MEMO1: variants seen among roughly 807,000 people sequenced by gnomAD.
The protein encoded by MEMO1 is mediator of cell motility 1, also known as protein MEMO1.
MEMO1 carries 6 observed loss-of-function variants against 45.2 expected under a neutral mutation model. The observed-to-expected ratio is 0.13, with a 90% CI of 0.07 to 0.26. MEMO1 has a LOEUF of 0.26. Ranked by LOEUF, MEMO1 falls within the 10% of genes least tolerant of loss-of-function variation. The pLI is 1.00. For missense variants in MEMO1, 184 were observed against 370.5 expected (o/e 0.50, Z 4.13); for synonymous variants, 78 against 124.3 (o/e 0.63, Z 2.48).
In MEMO1 at chr2:31,972,430, G is replaced by A. The variant is rs548553738; in HGVS notation, c.62-29047C>T. Reference sequence around the variant, plus strand: ...AGAAAAGGATAAGAGAATAGTATGGGCCGAATGCAGTGGCTCACCCCCATA... The same window carrying A: ...AGAAAAGGATAAGAGAATAGTATGGACCGAATGCAGTGGCTCACCCCCATA... On this transcript the variant is annotated intron_variant, in intron 2 of 9. Transcript: ENST00000404530. Among the ~76,000 whole-genome samples the A allele has an allele frequency of 8.5e-5, 13 of 152,292 alleles. No homozygotes were observed. In the East Asian group the frequency reaches 2.5e-3, roughly 29 times the overall value.
At chr2:31,891,492 T>C (rs1676970775) in intron 7 of MEMO1, among the ~76,000 whole-genome samples, 1 of 152,052 alleles carries the variant, frequency 6.6e-6, no homozygotes, top group South Asian at 2.1e-4. Context: ...AGCCAATATT[T>C]TATAATCTTT....
chr2:31,993,662 C>G (rs145155889), intron 2 of MEMO1, among the ~76,000 whole-genome samples: 16 of 152,284 alleles, frequency 1.1e-4, no homozygotes, highest in African/African-American at 3.8e-4. Context: ...CAGGGTAAAA[C>G]TCCACAAAGC....
intron 2 of MEMO1, among the ~76,000 whole-genome samples, chr2:32,001,914 A>G: frequency 6.6e-6 from 1 of 151,010 alleles, no homozygotes; most frequent in Admixed American, 6.6e-5. Flanking sequence ...TTGGGAGGCC[A>G]AGGAGGGTGG....
chr2:32,009,843 G>A lies in MEMO1; in HGVS notation c.61+344C>T, dbSNP rs562674598. On this transcript the variant is annotated intron_variant, in intron 2 of 9. Transcript: ENST00000404530. ...GGCCGCACGCTTCCTGCAAGCCAGA[G>A]GCGGCGACAAGTCGGCTGGGGTCCG... is the stretch of plus-strand genomic sequence containing the variant. Among the ~76,000 whole-genome samples the A allele has an allele frequency of 4.3e-4, 66 of 152,222 alleles. No homozygotes were observed. In the Middle Eastern group the frequency reaches 0.014, roughly 31 times the overall value.
chr2:31,927,458 A>C (rs1339825736), intron 4 of MEMO1, among the ~76,000 whole-genome samples: 2 of 152,030 alleles, frequency 1.3e-5, no homozygotes, highest in Admixed American at 1.3e-4. Flanking sequence ...TAATTACACT[A>C]CTCCTCTTCC....
At chr2:31,895,146 G>GA (rs1199530894) in intron 6 of MEMO1, among the ~76,000 whole-genome samples, 1 of 152,028 alleles carries the variant, frequency 6.6e-6, no homozygotes, top group African/African-American at 2.4e-5. Context: ...ACCTGCAAGG[G>GA]AAAAAATGAG....
At chr2:31,940,338 A>G (rs1665461065) in intron 3 of MEMO1, among the ~76,000 whole-genome samples, 1 of 152,100 alleles carries the variant, frequency 6.6e-6, no homozygotes, top group Admixed American at 6.5e-5. Context: ...CCAGCTGCCC[A>G]TTCTAAATCT....
intron 2 of MEMO1, among the ~76,000 whole-genome samples, chr2:31,953,417 T>C (rs990096680): frequency 6.6e-6 from 1 of 150,428 alleles, no homozygotes; most frequent in African/African-American, 2.4e-5. Flanking sequence ...TTCTCAGAAA[T>C]GGACTTACTA....
At chr2:31,873,375 T>TA (rs1674073714) in intron 8 of MEMO1, among the ~76,000 whole-genome samples, 1 of 152,132 alleles carries the variant, frequency 6.6e-6, no homozygotes. Flanking sequence ...GCTAACTCCC[T>TA]AAATTTAGGG....
intron 6 of MEMO1, among the ~76,000 whole-genome samples, chr2:31,914,886 G>A (rs1270805286): frequency 1.3e-5 from 2 of 149,790 alleles, no homozygotes; most frequent in African/African-American, 2.5e-5. Context: ...GAGCCTAGGA[G>A]TTCAAGGCTA....
At chr2:31,920,036 G>T (rs1329190078) in intron 5 of MEMO1, among the ~76,000 whole-genome samples, 1 of 151,848 alleles carries the variant, frequency 6.6e-6, no homozygotes, top group African/African-American at 2.4e-5. Flanking sequence ...GATCATGAAG[G>T]TGGTTACTTC....
chr2:31,969,429 ATG>A (rs1338753321), intron 2 of MEMO1, among the ~76,000 whole-genome samples: 2 of 135,696 alleles, frequency 1.5e-5, no homozygotes, highest in South Asian at 2.3e-4. Context: ...ATATACATAT[ATG>A]TGTGTGTATA....
rs145550406 is a variant in MEMO1, at chr2:31,984,884, T to C, written c.61+25303A>G. On this transcript the variant is annotated intron_variant, in intron 2 of 9. Transcript: ENST00000404530. ...GAAATCAAATAAAATCTGGAGTTAA[T>C]TGTACTGACCAACTACTATTTTTAG... Among the ~76,000 whole-genome samples the C allele has an allele frequency of 2.0e-4, 30 of 152,330 alleles. No homozygotes were observed. The East Asian group carries it at 5.0e-3, about 25-fold the overall frequency.
chr2:31,869,832 T>C lies in MEMO1; in HGVS notation c.762+16A>G. ...TGACCAAATGTTAAAAGTCAAGGCTTCCTAAGGATACTCACATTTAATAAC... is the reference window on the plus strand; with the variant it reads ...TGACCAAATGTTAAAAGTCAAGGCTCCCTAAGGATACTCACATTTAATAAC... On this transcript the variant is annotated intron_variant, in intron 9 of 9. Transcript: ENST00000404530. The C allele has an allele frequency of 6.4e-7, 1 of 1,568,606 alleles. No individual in the cohort carries two copies. Among genetic ancestry groups the C allele is most frequent in the Non-Finnish European group, 8.6e-7 (1 of 1,165,680 alleles).
chr2:31,988,507 C>G (rs989258193), intron 2 of MEMO1, among the ~76,000 whole-genome samples: 11 of 152,070 alleles, frequency 7.2e-5, no homozygotes, highest in Non-Finnish European at 1.2e-4. Context: ...AGATGGGGCA[C>G]TGCACTCCAG....
intron 2 of MEMO1, among the ~76,000 whole-genome samples, chr2:31,946,312 G>A (rs1428301871): frequency 6.6e-6 from 1 of 151,830 alleles, no homozygotes; most frequent in Admixed American, 6.6e-5. Context: ...CTGTCCTTCT[G>A]TATATATTTA....
At chr2:31,925,492 A>AAAAAAAAAAAAAAAAAAAAAAG (rs1558507956) in intron 4 of MEMO1, among the ~76,000 whole-genome samples, 1 of 133,846 alleles carries the variant, frequency 7.5e-6, no homozygotes, top group African/African-American at 2.6e-5. Flanking sequence ...AAAAAAAAAA[A>AAAAAAAAAAAAAAAAAAAAAAG]AAAAAAATCT....
At position 32,001,261 on chromosome 2, in the gene MEMO1, G is replaced by C. The variant is rs1022975606; in HGVS notation, c.61+8926C>G. ...TCACCGTGTTAGCCAGGATGGTCTCGATCTCCTGACCTCGTGATCCGCCCG... is the reference window on the plus strand; with the variant it reads ...TCACCGTGTTAGCCAGGATGGTCTCCATCTCCTGACCTCGTGATCCGCCCG... On this transcript the variant is annotated intron_variant, in intron 2 of 9. Transcript: ENST00000404530. Among the ~76,000 whole-genome samples the C allele has an allele frequency of 3.3e-5, 5 of 151,418 alleles. No individual in the cohort carries two copies. In the South Asian group the frequency reaches 1.0e-3, roughly 32 times the overall value.
At chr2:31,874,188 A>G (rs1674216616) in intron 8 of MEMO1, among the ~76,000 whole-genome samples, 1 of 152,148 alleles carries the variant, frequency 6.6e-6, no homozygotes. Context: ...AAAAAGTAGT[A>G]TAATAAAAAT....
Sources: gnomAD v4.1 joint callset for allele counts (sites outside exome capture counted in the v4.1 genomes callset) on GRCh38, gnomAD v4.1.1 for gene constraint, MANE v1.5 for transcripts, NCBI Gene and HGNC (gene_info 2026-07-23, HGNC 2026-07-21) for gene names.